NRXN3: variants seen among roughly 807,000 people sequenced by gnomAD.
NRXN3 encodes neurexin III.
NRXN3 carries 32 observed loss-of-function variants against 137.6 expected under a neutral mutation model. That is an observed-to-expected ratio of 0.23 (90% confidence interval 0.18 to 0.31). The LOEUF is 0.31. Among genes scored for constraint, NRXN3 ranks in the 10% least tolerant of loss-of-function variants. NRXN3 has a pLI of 1.00. For synonymous variants in NRXN3, 798 were observed against 784.5 expected (o/e 1.02, Z -0.29); for missense variants, 1,574 against 2,062.5 (o/e 0.76, Z 4.59).
rs1272827423 is a variant in NRXN3, at chr14:79,049,098, T to TAATAC, written c.3262+60957_3262+60958insAATAC. On this transcript the variant is annotated intron_variant, in intron 15 of 20. Transcript: ENST00000335750. ...AATAATAATAATAATAATAATAATA[T>TAATAC]GATGGGGTGTGCTGCATTGACTGAT... is the stretch of plus-strand genomic sequence containing the variant. Among the ~76,000 whole-genome samples the TAATAC allele has an allele frequency of 4.4e-3, 450 of 102,302 alleles. 68 individuals carry two copies. Among genetic ancestry groups the TAATAC allele is most frequent in the African/African-American group, 0.018 (439 of 24,166 alleles). 67.1% of individuals were successfully genotyped at this position (102,302 alleles called of 152,430 possible). A position where few individuals can be genotyped will look rare whatever the true frequency, so the allele number is the denominator to read the frequency against.
chr14:78,984,616 G>C (rs1003681058), intron 14 of NRXN3, among the ~76,000 whole-genome samples: 2 of 152,180 alleles, frequency 1.3e-5, no homozygotes, highest in African/African-American at 4.8e-5. Flanking sequence ...TATTAAGGCA[G>C]TGGTCCAGGA....
chr14:79,814,821 A>G (rs999470633), intron 20 of NRXN3, among the ~76,000 whole-genome samples: 1 of 152,192 alleles, frequency 6.6e-6, no homozygotes, highest in African/African-American at 2.4e-5. Context: ...GGAAATCTGC[A>G]AATGTTTTAT....
chr14:79,377,098 G>T (rs11625634), intron 15 of NRXN3, among the ~76,000 whole-genome samples: 48,748 of 152,020 alleles, frequency 0.32, 8,632 homozygotes, highest in Middle Eastern at 0.53. Flanking sequence ...CAGCAATATC[G>T]TGAAAGTTTA....
intron 20 of NRXN3, among the ~76,000 whole-genome samples, chr14:79,835,959 G>A (rs2223034): frequency 0.91 from 138,185 of 152,152 alleles, 62,777 homozygotes; most frequent in East Asian, 0.95. Flanking sequence ...CCTGGCATGC[G>A]TAGAATAGCC....
chr14:78,963,959 G>T (rs2099412869), intron 11 of NRXN3, among the ~76,000 whole-genome samples: 1 of 151,930 alleles, frequency 6.6e-6, no homozygotes, highest in African/African-American at 2.4e-5. Flanking sequence ...TGTAGAGACT[G>T]GGTCTTGCTA....
intron 10 of NRXN3, among the ~76,000 whole-genome samples, chr14:78,827,906 A>G (rs1010014224): frequency 2.0e-5 from 3 of 152,222 alleles, no homozygotes; most frequent in Non-Finnish European, 4.4e-5. Context: ...TTAACAGCAT[A>G]CATAGTTGTA....
chr14:78,960,165 T>C (rs1237572524), intron 11 of NRXN3, among the ~76,000 whole-genome samples: 1 of 151,942 alleles, frequency 6.6e-6, no homozygotes, highest in African/African-American at 2.4e-5. Flanking sequence ...TTCAGACGTG[T>C]CCCCCCAACC....
intron 16 of NRXN3, among the ~76,000 whole-genome samples, chr14:79,656,676 T>C (rs898526433): frequency 5.3e-5 from 8 of 151,572 alleles, no homozygotes; most frequent in Admixed American, 4.6e-4. Context: ...TTTATCAGTC[T>C]TATCTCTCTG....
intron 15 of NRXN3, among the ~76,000 whole-genome samples, chr14:79,013,235 G>A (rs1418506560): frequency 2.0e-5 from 3 of 152,186 alleles, no homozygotes; most frequent in Non-Finnish European, 2.9e-5. Flanking sequence ...TTATCTTACA[G>A]AAGGTCAAAA....
At chr14:78,604,049 G>A (rs781148377) in intron 4 of NRXN3, among the ~76,000 whole-genome samples, 91 of 152,172 alleles carry the variant, frequency 6.0e-4, no homozygotes, top group Admixed American at 1.2e-3. Context: ...TGAAGGAAGA[G>A]CAAAGGGATG....
chr14:79,067,752 G>T (rs929273098), intron 15 of NRXN3, among the ~76,000 whole-genome samples: 2 of 151,946 alleles, frequency 1.3e-5, no homozygotes, highest in African/African-American at 4.8e-5. Flanking sequence ...TTTTAACTTT[G>T]TTACCTTGGT....
At chr14:79,396,046 G>A (rs1188039283) in intron 15 of NRXN3, among the ~76,000 whole-genome samples, 2 of 152,034 alleles carry the variant, frequency 1.3e-5, no homozygotes, top group Non-Finnish European at 2.9e-5. Context: ...ATATACACAT[G>A]TATGTATTAT....
intron 4 of NRXN3, among the ~76,000 whole-genome samples, chr14:78,316,167 A>G (rs191401761): frequency 6.6e-5 from 10 of 152,160 alleles, no homozygotes; most frequent in African/African-American, 2.4e-4. Flanking sequence ...CCTAAATGCC[A>G]GCAATTATCT....
intron 15 of NRXN3, among the ~76,000 whole-genome samples, chr14:79,155,911 C>G (rs2060215181): frequency 6.6e-6 from 1 of 151,798 alleles, no homozygotes; most frequent in African/African-American, 2.4e-5. Flanking sequence ...GGGTCATCAT[C>G]TATTTTGATT....
intron 4 of NRXN3, among the ~76,000 whole-genome samples, chr14:78,533,099 C>CTTTTTTTTTT (rs71452898): frequency 2.5e-5 from 3 of 120,060 alleles, no homozygotes; most frequent in Admixed American, 9.0e-5. Flanking sequence ...TCCCTCCAGC[C>CTTTTTTTTTT]TTTTTTTTTT....
chr14:78,778,718 C>CTT (rs1207749118), intron 8 of NRXN3, among the ~76,000 whole-genome samples: 1 of 139,702 alleles, frequency 7.2e-6, no homozygotes, highest in African/African-American at 2.7e-5. Context: ...TTCTTTCTTT[C>CTT]TTTCTTTCTT....
chr14:79,563,458 T>A, intron 16 of NRXN3, among the ~76,000 whole-genome samples: 1 of 152,114 alleles, frequency 6.6e-6, no homozygotes, highest in Non-Finnish European at 1.5e-5. Context: ...GAATAATCAA[T>A]ATGCTATGGA....
intron 16 of NRXN3, among the ~76,000 whole-genome samples, chr14:79,510,525 A>G (rs2096922591): frequency 6.6e-6 from 1 of 152,184 alleles, no homozygotes; most frequent in Non-Finnish European, 1.5e-5. Flanking sequence ...CTTTACGTTA[A>G]CTGAGAAACT....
At chr14:79,064,347 GTT>G (rs1368712244) in intron 15 of NRXN3, among the ~76,000 whole-genome samples, 1 of 152,050 alleles carries the variant, frequency 6.6e-6, no homozygotes, top group Non-Finnish European at 1.5e-5. Flanking sequence ...TGGTATAGAG[GTT>G]CAGGAAGTCA....
Sources: allele counts gnomAD v4.1 joint callset (sites outside exome capture counted in the v4.1 genomes callset), GRCh38; gene constraint gnomAD v4.1.1; transcripts MANE v1.5; gene names NCBI Gene and HGNC (gene_info 2026-07-23, HGNC 2026-07-21).